The following UNC5B variants were observed in gnomAD, a reference collection of about 807,000 sequenced individuals.
The protein encoded by UNC5B is netrin receptor UNC5B.
UNC5B carries 56 observed loss-of-function variants against 103.7 expected under a neutral mutation model. The observed-to-expected ratio is 0.54, with a 90% confidence interval of 0.44 to 0.67. The LOEUF is 0.67. Ranked by LOEUF, UNC5B falls within the 30% of genes least tolerant of loss-of-function variation. UNC5B has a pLI of 0.00. For synonymous variants in UNC5B, 577 were observed against 542.0 expected, an observed-to-expected ratio of 1.06 and a Z score of -0.90; for missense variants, 1,194 against 1,284.5, an observed-to-expected ratio of 0.93 and a Z score of 1.08.
intron 1 of UNC5B, among the ~76,000 whole-genome samples, chr10:71,218,575 G>A (rs2132235294): frequency 6.6e-6 from 1 of 152,354 alleles, no homozygotes; most frequent in Admixed American, 6.5e-5. Flanking sequence ...GGATAGGCCT[G>A]CCTGCAGGTG....
chr10:71,234,677 G>C (rs931396930), intron 1 of UNC5B, among the ~76,000 whole-genome samples: 14 of 152,204 alleles, frequency 9.2e-5, no homozygotes, highest in Non-Finnish European at 2.1e-4. Context: ...GGCGTGTGGG[G>C]TTTCATCCCC....
chr10:71,228,879 T>C (rs982138658), intron 1 of UNC5B, among the ~76,000 whole-genome samples: 2 of 152,158 alleles, frequency 1.3e-5, no homozygotes, highest in African/African-American at 4.8e-5. Context: ...CCCACCCTAA[T>C]CTAGCTTTTA....
chr10:71,245,277 G>A (rs55741407), intron 1 of UNC5B, among the ~76,000 whole-genome samples: 266 of 152,296 alleles, frequency 1.7e-3, no homozygotes, highest in Non-Finnish European at 2.9e-3. Flanking sequence ...TTAGGAATTC[G>A]AGGCCTCAGC....
chr10:71,237,261 T>C (rs1188678249), intron 1 of UNC5B, among the ~76,000 whole-genome samples: 1 of 152,172 alleles, frequency 6.6e-6, no homozygotes, highest in Non-Finnish European at 1.5e-5. Context: ...ACAGCATGGG[T>C]TCAAATACTA....
chr10:71,276,316 C>G (rs1844771104), intron 1 of UNC5B, among the ~76,000 whole-genome samples: 1 of 152,110 alleles, frequency 6.6e-6, no homozygotes, highest in African/African-American at 2.4e-5. Flanking sequence ...ACCCCGAGAC[C>G]CCATTATTCT....
chr10:71,300,901 C>G lies in UNC5B; in HGVS notation c.*1624C>G, dbSNP rs1845571864. The G allele has an allele frequency of 6.6e-6, 1 of 152,572 alleles. No individual in the cohort carries two copies. The highest frequency in any genetic ancestry group is 6.5e-5 in the Admixed American group (1 of 15,286). 9.5% of individuals were successfully genotyped at this position (152,572 alleles called of 1,614,324 possible). ...TCTGAGAGATCTGAAATAACCTTTC[C>G]CAGTGGGCAGGGTTGCCAGGGTTGA... is the stretch of plus-strand genomic sequence containing the variant. On this transcript the variant is annotated 3_prime_UTR_variant, in exon 17 of 17. Coordinates refer to ENST00000335350, the MANE Select transcript of UNC5B (RefSeq NM_170744.5).
At position 71,261,352 on chromosome 10, in the gene UNC5B, A is replaced by T. The variant is rs540044081; in HGVS notation, c.80-18469A>T. ...ACAATTTATTAGTGATGCTTGCCAC[A>T]GCCTCAGGATTGGCCAGGTGGCCGT... On this transcript the variant is annotated intron_variant, in intron 1 of 16. Transcript: ENST00000335350. Among the ~76,000 whole-genome samples, 37 of 152,320 alleles carry T rather than the reference A, an allele frequency of 2.4e-4. 1 individual carries two copies. In the East Asian group the frequency reaches 7.1e-3, roughly 29 times the overall value.
At chr10:71,219,367 G>A (rs1843405510) in intron 1 of UNC5B, among the ~76,000 whole-genome samples, 1 of 152,174 alleles carries the variant, frequency 6.6e-6, no homozygotes, top group Admixed American at 6.5e-5. Flanking sequence ...GAGGAGCAAG[G>A]AGAGCCAGTC....
intron 1 of UNC5B, among the ~76,000 whole-genome samples, chr10:71,257,407 C>T (rs1313664986): frequency 6.6e-6 from 1 of 152,246 alleles, no homozygotes; most frequent in Non-Finnish European, 1.5e-5. Context: ...CTCAGGACCC[C>T]TGGCACCTCT....
At position 71,279,813 on chromosome 10, in the gene UNC5B, C is replaced by T; in HGVS notation, c.80-8C>T. On this transcript the variant is annotated splice_region_variant and splice_polypyrimidine_tract_variant and intron_variant, in intron 1 of 16. Transcript: ENST00000335350. ...ACAGCCTCATGGAGGTCTCCACTCA[C>T]TCTGCAGGCACTGATTCTGGCAGCG... The T allele has an allele frequency of 6.2e-7, 1 of 1,611,618 alleles. No individual in the cohort carries two copies. Among genetic ancestry groups the T allele is most frequent in the Non-Finnish European group, 8.5e-7 (1 of 1,179,186 alleles).
intron 1 of UNC5B, among the ~76,000 whole-genome samples, chr10:71,228,143 C>T (rs1407660273): frequency 6.6e-6 from 1 of 152,184 alleles, no homozygotes; most frequent in Non-Finnish European, 1.5e-5. Flanking sequence ...GCTCGGACTA[C>T]TGGGTAGCTA....
intron 1 of UNC5B, among the ~76,000 whole-genome samples, chr10:71,230,597 C>T (rs1015711323): frequency 6.6e-6 from 1 of 152,266 alleles, no homozygotes; most frequent in African/African-American, 2.4e-5. Flanking sequence ...TGTGGGCCTC[C>T]CCCCACATCC....
intron 1 of UNC5B, among the ~76,000 whole-genome samples, chr10:71,259,111 CG>C (rs1382066556): frequency 6.6e-6 from 1 of 152,158 alleles, no homozygotes; most frequent in Non-Finnish European, 1.5e-5. Flanking sequence ...ATGACTGGGC[CG>C]GGTGCAGTGG....
chr10:71,286,236 A>C (rs1213892246), intron 4 of UNC5B, among the ~76,000 whole-genome samples: 1 of 152,172 alleles, frequency 6.6e-6, no homozygotes, highest in African/African-American at 2.4e-5. Context: ...GTTTGGACCC[A>C]GGTCTGCCAG....
intron 1 of UNC5B, among the ~76,000 whole-genome samples, chr10:71,241,207 C>T (rs926370631): frequency 6.6e-6 from 1 of 152,174 alleles, no homozygotes; most frequent in Non-Finnish European, 1.5e-5. Flanking sequence ...TCCCAGGGCT[C>T]CTGTCTTGAG....
intron 1 of UNC5B, among the ~76,000 whole-genome samples, chr10:71,268,497 T>G (rs2132287749): frequency 6.6e-6 from 1 of 152,246 alleles, no homozygotes; most frequent in African/African-American, 2.4e-5. Context: ...GGTCCCCGAC[T>G]GGAGGTGAAG....
At position 71,225,133 on chromosome 10, in the gene UNC5B, G is replaced by A. The variant is rs534371202; in HGVS notation, c.79+12069G>A. On this transcript the variant is annotated intron_variant, in intron 1 of 16. Transcript: ENST00000335350. Reference sequence around the variant, plus strand: ...TCTAAGGCCAAATCTGTCTCTGTGTGATACGCAAATCTCACCCACCTTCTT... The same window carrying A: ...TCTAAGGCCAAATCTGTCTCTGTGTAATACGCAAATCTCACCCACCTTCTT... 2.6e-5 allele frequency among the ~76,000 whole-genome samples: 4 copies of A among 152,344 alleles called. No individual in the cohort carries two copies. The South Asian group carries it at 6.2e-4, about 24-fold the overall frequency.
chr10:71,284,403 G>A (rs10999760), intron 2 of UNC5B, among the ~76,000 whole-genome samples: 36,544 of 152,118 alleles, frequency 0.24, 5,372 homozygotes, highest in African/African-American at 0.41. Flanking sequence ...GACCCTACCC[G>A]CCTGCAGGCC....
At chr10:71,252,335 T>C (rs1844192222) in intron 1 of UNC5B, among the ~76,000 whole-genome samples, 1 of 151,972 alleles carries the variant, frequency 6.6e-6, no homozygotes, top group African/African-American at 2.4e-5. Flanking sequence ...CAGGATAGAG[T>C]TTGACCTGCT....
Sources: gnomAD v4.1 joint callset for allele counts (sites outside exome capture counted in the v4.1 genomes callset) on GRCh38, gnomAD v4.1.1 for gene constraint, MANE v1.5 for transcripts, NCBI Gene and HGNC (gene_info 2026-07-23, HGNC 2026-07-21) for gene names.